HS3ST4: variants seen among roughly 807,000 people sequenced by gnomAD.
The protein encoded by HS3ST4 is heparan sulfate-glucosamine 3-sulfotransferase 4, also known as heparan sulfate glucosamine 3-O-sulfotransferase 4.
A neutral mutation model predicts 29.2 loss-of-function variants in HS3ST4; 17 were observed. The observed-to-expected ratio is 0.58, with a 90% CI of 0.40 to 0.87. The LOEUF (loss-of-function observed/expected upper bound fraction) is 0.87. HS3ST4 is among the 40% of genes least tolerant of loss of function. The pLI is 0.00. For missense variants in HS3ST4, 627 were observed against 634.5 expected (o/e 0.99, Z 0.13); for synonymous variants, 314 against 285.7 (o/e 1.10, Z -1.00).
intron 1 of HS3ST4, among the ~76,000 whole-genome samples, chr16:25,896,934 T>A (rs1316419945): frequency 6.6e-6 from 1 of 152,040 alleles, no homozygotes; most frequent in Admixed American, 6.5e-5. Flanking sequence ...CACTTATCAG[T>A]GGGAGCTTAA....
At chr16:26,130,755 T>C (rs563054525) in intron 1 of HS3ST4, among the ~76,000 whole-genome samples, 6 of 152,288 alleles carry the variant, frequency 3.9e-5, no homozygotes, top group African/African-American at 1.4e-4. Context: ...GACAGTCGTG[T>C]CTTCTTCTAA....
chr16:25,914,657 G>A (rs1303409494), intron 1 of HS3ST4, among the ~76,000 whole-genome samples: 2 of 151,644 alleles, frequency 1.3e-5, no homozygotes, highest in African/African-American at 2.4e-5. Flanking sequence ...ACGTGTGTGG[G>A]TGTGTGGACT....
In HS3ST4 at chr16:25,768,058, G is replaced by C. The variant is rs182714694; in HGVS notation, c.734+74907G>C. ...CCATTTTACAGGGGGTGGCAGGGGA[G>C]TGCGGGGGAGCAGAAGCCCAGCAGA... On this transcript the variant is annotated intron_variant, in intron 1 of 1. Transcript: ENST00000331351. Among the ~76,000 whole-genome samples the C allele has an allele frequency of 5.4e-3, 820 of 152,224 alleles. 4 individuals carry two copies. The highest frequency in any genetic ancestry group is 0.017 in the Middle Eastern group (5 of 294).
chr16:25,877,144 T>C (rs34215460), intron 1 of HS3ST4, among the ~76,000 whole-genome samples: 55,123 of 151,768 alleles, frequency 0.36, 10,204 homozygotes, highest in East Asian at 0.53. Context: ...TAGGGTAAGT[T>C]CATGCCCTAA....
intron 1 of HS3ST4, among the ~76,000 whole-genome samples, chr16:26,077,678 G>A (rs891694001): frequency 6.6e-6 from 1 of 152,218 alleles, no homozygotes; most frequent in South Asian, 2.1e-4. Flanking sequence ...GGGACCCAGT[G>A]AGTATTGGTA....
At chr16:25,833,013 C>T (rs914955442) in intron 1 of HS3ST4, among the ~76,000 whole-genome samples, 2 of 152,152 alleles carry the variant, frequency 1.3e-5, no homozygotes, top group East Asian at 3.8e-4. Flanking sequence ...ATCTGATTCA[C>T]AGAGAGGTAT....
At chr16:26,021,682 T>A (rs1004475427) in intron 1 of HS3ST4, among the ~76,000 whole-genome samples, 3 of 152,044 alleles carry the variant, frequency 2.0e-5, no homozygotes, top group Admixed American at 6.5e-5. Context: ...TTATTATTTT[T>A]GAGACAGAGT....
chr16:25,844,621 A>G (rs1180097241), intron 1 of HS3ST4, among the ~76,000 whole-genome samples: 2 of 152,230 alleles, frequency 1.3e-5, no homozygotes, highest in Non-Finnish European at 2.9e-5. Flanking sequence ...TAATTAGTTC[A>G]ACCATTGTGG....
intron 1 of HS3ST4, among the ~76,000 whole-genome samples, chr16:25,788,532 C>CTTT (rs1966861153): frequency 8.8e-6 from 1 of 113,696 alleles, no homozygotes; most frequent in African/African-American, 3.2e-5. Flanking sequence ...ATTTTTTTTT[C>CTTT]TTTTCTTCTT....
chr16:25,771,857 A>C (rs569811460), intron 1 of HS3ST4, among the ~76,000 whole-genome samples: 1 of 152,218 alleles, frequency 6.6e-6, no homozygotes, highest in Non-Finnish European at 1.5e-5. Flanking sequence ...CATTGAGTAC[A>C]TACTGTAGGA....
chr16:25,695,637 CA>C (rs753462835), intron 1 of HS3ST4, among the ~76,000 whole-genome samples: 1 of 152,168 alleles, frequency 6.6e-6, no homozygotes, highest in Non-Finnish European at 1.5e-5. Context: ...TGATCAGTGG[CA>C]TCGATTCCAG....
At chr16:25,995,740 T>C (rs1056453397) in intron 1 of HS3ST4, among the ~76,000 whole-genome samples, 1 of 152,218 alleles carries the variant, frequency 6.6e-6, no homozygotes, top group African/African-American at 2.4e-5. Context: ...GAGGAAGTTA[T>C]TTAGCCTTGC....
rs982676086 is a variant in HS3ST4 at position 25,911,940 on chromosome 16, C to A, written c.734+218789C>A. On this transcript the variant is annotated intron_variant, in intron 1 of 1. Coordinates refer to ENST00000331351, the MANE Select transcript of HS3ST4 (RefSeq NM_006040.3). The stretch of plus-strand genomic sequence containing the variant: ...AGTGAATGAGTGAATGATAGAGACA[C>A]CTGTCTAAATGCAGCACGGAACAGG... Among the ~76,000 whole-genome samples, 3 of 152,136 alleles carry A rather than the reference C, an allele frequency of 2.0e-5. No individual in the cohort carries two copies. The South Asian group carries it at 6.2e-4, about 32-fold the overall frequency.
At chr16:25,865,315 A>T (rs1452097840) in intron 1 of HS3ST4, among the ~76,000 whole-genome samples, 2 of 152,142 alleles carry the variant, frequency 1.3e-5, no homozygotes, top group East Asian at 3.8e-4. Context: ...AACACTTGAT[A>T]TATTTTACCT....
At chr16:26,084,332 T>G (rs564292399) in intron 1 of HS3ST4, among the ~76,000 whole-genome samples, 1 of 152,348 alleles carries the variant, frequency 6.6e-6, no homozygotes, top group Admixed American at 6.5e-5. Context: ...ATGGAGACTT[T>G]AGGGGATTTC....
At chr16:26,026,917 AC>A (rs1969481782) in intron 1 of HS3ST4, among the ~76,000 whole-genome samples, 1 of 152,124 alleles carries the variant, frequency 6.6e-6, no homozygotes, top group South Asian at 2.1e-4. Flanking sequence ...TAAATGCTAA[AC>A]CTTTTGCGTG....
At chr16:25,981,698 T>C (rs749335983) in intron 1 of HS3ST4, among the ~76,000 whole-genome samples, 4 of 151,192 alleles carry the variant, frequency 2.6e-5, no homozygotes, top group Non-Finnish European at 4.4e-5. Context: ...CACAAACCTT[T>C]GGACTATATA....
intron 1 of HS3ST4, among the ~76,000 whole-genome samples, chr16:25,851,245 T>C (rs10163416): frequency 0.29 from 44,199 of 152,098 alleles, 6,864 homozygotes; most frequent in Admixed American, 0.35. Flanking sequence ...TTGGTCACCA[T>C]GCCCAAGCTG....
chr16:25,731,339 A>C (rs1049147542), intron 1 of HS3ST4, among the ~76,000 whole-genome samples: 1 of 151,982 alleles, frequency 6.6e-6, no homozygotes, highest in Non-Finnish European at 1.5e-5. Context: ...AGATACTCTT[A>C]TTTTTTCTTT....
Sources: allele counts gnomAD v4.1 joint callset (sites outside exome capture counted in the v4.1 genomes callset), GRCh38; gene constraint gnomAD v4.1.1; transcripts MANE v1.5; gene names NCBI Gene and HGNC (gene_info 2026-07-23, HGNC 2026-07-21).